The following PPP1R9A variants were observed in gnomAD, a reference collection of about 807,000 sequenced individuals.
The protein encoded by PPP1R9A is neurabin-1.
In PPP1R9A, 59 loss-of-function variants were observed where a neutral mutation model predicts 141.9. The ratio of observed to expected loss-of-function variants is 0.42; its 90% CI spans 0.34 to 0.52. The LOEUF (loss-of-function observed/expected upper bound fraction) is 0.52. Ranked by LOEUF, PPP1R9A falls within the 20% of genes least tolerant of loss-of-function variation. PPP1R9A has a pLI of 0.10. For synonymous variants in PPP1R9A, 500 were observed against 569.7 expected, an observed-to-expected ratio of 0.88 and a Z score of 1.74; for missense variants, 1,444 against 1,611.9, an observed-to-expected ratio of 0.90 and a Z score of 1.78.
At chr7:95,067,808 T>C (rs1219071522) in intron 2 of PPP1R9A, among the ~76,000 whole-genome samples, 1 of 152,174 alleles carries the variant, frequency 6.6e-6, no homozygotes, top group Admixed American at 6.5e-5. Flanking sequence ...GTAACACACC[T>C]GTGTATACCC....
At chr7:95,263,655 C>G (rs59421851) in intron 12 of PPP1R9A, among the ~76,000 whole-genome samples, 8,474 of 152,190 alleles carry the variant, frequency 0.056, 530 homozygotes, top group East Asian at 0.35. Flanking sequence ...CATGATCTGC[C>G]CACCTCGGCC....
At position 94,992,892 on chromosome 7, in the gene PPP1R9A, A is replaced by C. The variant is rs1296358069; in HGVS notation, c.1395+81384A>C. Among the ~76,000 whole-genome samples the C allele has an allele frequency of 2.0e-5, 3 of 151,990 alleles. No homozygotes were observed. The East Asian group carries it at 5.8e-4, about 29-fold the overall frequency. ...TATATTTATTCTGAATATTTTGTTGAAGTCCGCTTTAGCAAGTTTTTCTTT... is the reference window on the plus strand; with the variant it reads ...TATATTTATTCTGAATATTTTGTTGCAGTCCGCTTTAGCAAGTTTTTCTTT... On this transcript the variant is annotated intron_variant, in intron 2 of 19. Transcript: ENST00000433360.
intron 2 of PPP1R9A, among the ~76,000 whole-genome samples, chr7:94,954,389 T>G (rs925589377): frequency 6.6e-6 from 1 of 152,028 alleles, no homozygotes; most frequent in Non-Finnish European, 1.5e-5. Context: ...ATGTCTTCCT[T>G]TATAATTTTA....
chr7:95,068,187 C>T (rs1326708544), intron 2 of PPP1R9A, among the ~76,000 whole-genome samples: 1 of 152,026 alleles, frequency 6.6e-6, no homozygotes, highest in Non-Finnish European at 1.5e-5. Context: ...AAGTGACATT[C>T]GGCCAGGCGT....
intron 6 of PPP1R9A, among the ~76,000 whole-genome samples, chr7:95,200,072 A>T (rs183297849): frequency 5.9e-5 from 9 of 151,866 alleles, no homozygotes; most frequent in African/African-American, 2.2e-4. Flanking sequence ...TAGATCACAA[A>T]ATTCCTTCCA....
At chr7:95,273,736 C>T (rs1031692844) in intron 14 of PPP1R9A, among the ~76,000 whole-genome samples, 163 bp from the exon 15 acceptor site, 2 of 152,212 alleles carry the variant, frequency 1.3e-5, no homozygotes, top group Non-Finnish European at 2.9e-5. Context: ...CTGCGAGTTC[C>T]TCAATGTAAC....
At chr7:95,028,527 C>T (rs1807214396) in intron 2 of PPP1R9A, among the ~76,000 whole-genome samples, 1 of 151,996 alleles carries the variant, frequency 6.6e-6, no homozygotes, top group East Asian at 1.9e-4. Flanking sequence ...AACATGTAAT[C>T]TAGGTAAGTT....
intron 2 of PPP1R9A, among the ~76,000 whole-genome samples, chr7:94,997,937 G>C (rs925508151): frequency 1.3e-5 from 2 of 151,964 alleles, no homozygotes; most frequent in African/African-American, 2.4e-5. Context: ...CTTCACTCAT[G>C]GATCATAATT....
intron 3 of PPP1R9A, among the ~76,000 whole-genome samples, chr7:95,115,548 A>T (rs1236807378): frequency 6.6e-6 from 1 of 152,180 alleles, no homozygotes; most frequent in Non-Finnish European, 1.5e-5. Context: ...TACAAAAAAG[A>T]TTGCTATAAT....
chr7:94,925,279 A>G (rs1793335880), intron 2 of PPP1R9A, among the ~76,000 whole-genome samples: 1 of 152,168 alleles, frequency 6.6e-6, no homozygotes, highest in South Asian at 2.1e-4. Context: ...GCCCACCCAC[A>G]TTATGGAAAG....
intron 2 of PPP1R9A, among the ~76,000 whole-genome samples, chr7:94,928,827 T>A (rs563235462): frequency 6.6e-6 from 1 of 152,206 alleles, no homozygotes; most frequent in Non-Finnish European, 1.5e-5. Flanking sequence ...GAGGGAGATA[T>A]AGATGACAGA....
chr7:95,184,474 T>C (rs1356567070), intron 5 of PPP1R9A, among the ~76,000 whole-genome samples: 1 of 152,188 alleles, frequency 6.6e-6, no homozygotes, highest in Non-Finnish European at 1.5e-5. Flanking sequence ...TTTATTTATT[T>C]ATTTATGTCA....
intron 8 of PPP1R9A, among the ~76,000 whole-genome samples, chr7:95,246,489 T>C (rs1368260195): frequency 1.3e-5 from 2 of 152,212 alleles, no homozygotes; most frequent in South Asian, 2.1e-4. Flanking sequence ...ACAGTCTTCA[T>C]GTACCTCGCT....
At chr7:95,237,212 T>C (rs1796823499) in intron 8 of PPP1R9A, among the ~76,000 whole-genome samples, 1 of 149,910 alleles carries the variant, frequency 6.7e-6, no homozygotes, top group Non-Finnish European at 1.5e-5. Context: ...TGTTTTTTTT[T>C]TGAGATGGAG....
At chr7:95,018,910 A>T (rs1396281703) in intron 2 of PPP1R9A, among the ~76,000 whole-genome samples, 1 of 152,154 alleles carries the variant, frequency 6.6e-6, no homozygotes, top group Non-Finnish European at 1.5e-5. Flanking sequence ...AGTAGGGTAA[A>T]ATCTCAGACC....
chr7:95,113,065 C>G (rs1820847503), intron 3 of PPP1R9A, among the ~76,000 whole-genome samples: 1 of 152,096 alleles, frequency 6.6e-6, no homozygotes. Context: ...ATGTACTCCC[C>G]TGAATTTATA....
chr7:95,231,989 C>T (rs956785322), intron 8 of PPP1R9A, among the ~76,000 whole-genome samples: 9 of 152,094 alleles, frequency 5.9e-5, no homozygotes, highest in Non-Finnish European at 8.8e-5. Context: ...TGATAGATCT[C>T]TAGCGAGATT....
chr7:95,124,126 A>G (rs1298530934), intron 4 of PPP1R9A, among the ~76,000 whole-genome samples: 1 of 152,210 alleles, frequency 6.6e-6, no homozygotes, highest in Non-Finnish European at 1.5e-5. Context: ...ACAGATTTAT[A>G]TCTTTTAAAT....
At chr7:94,940,334 G>T (rs868541319) in intron 2 of PPP1R9A, among the ~76,000 whole-genome samples, 1 of 151,784 alleles carries the variant, frequency 6.6e-6, no homozygotes, top group African/African-American at 2.4e-5. Context: ...ATAATGTAGG[G>T]TGTCCTTTTT....
Sources: allele counts gnomAD v4.1 joint callset (sites outside exome capture counted in the v4.1 genomes callset), GRCh38; gene constraint gnomAD v4.1.1; transcripts MANE v1.5; gene names NCBI Gene and HGNC (gene_info 2026-07-23, HGNC 2026-07-21).